The following LBR variants were observed in gnomAD, a reference collection of about 807,000 sequenced individuals.
LBR encodes the protein lamin B receptor, also known as delta(14)-sterol reductase LBR.
In LBR, 28 loss-of-function variants were observed where a neutral mutation model predicts 74.3. The ratio of observed to expected loss-of-function variants is 0.38; its 90% CI spans 0.28 to 0.52. The LOEUF (loss-of-function observed/expected upper bound fraction) is 0.52, where lower values mean the gene tolerates loss of function less well. Among genes scored for constraint, LBR ranks in the 20% least tolerant of loss-of-function variants. The probability of loss-of-function intolerance (pLI) is 0.89; values close to 1 mark genes in which losing one functional copy is unlikely to be tolerated. For missense variants in LBR, 717 were observed against 760.3 expected (o/e 0.94, Z 0.67); for synonymous variants, 228 against 269.3 (o/e 0.85, Z 1.50).
intron 7 of LBR, among the ~76,000 whole-genome samples, chr1:225,414,525 T>C (rs1411952475): frequency 6.6e-6 from 1 of 152,206 alleles, no homozygotes; most frequent in East Asian, 1.9e-4. Flanking sequence ...CAGCACATGC[T>C]CTTACAGTGC....
chr1:225,407,269 A>T (rs1328981130), intron 10 of LBR, among the ~76,000 whole-genome samples: 1 of 152,148 alleles, frequency 6.6e-6, no homozygotes, highest in Non-Finnish European at 1.5e-5. Flanking sequence ...AAAGCCTCTA[A>T]AAGACAGAGG....
chr1:225,410,731 G>A (rs865995491), intron 9 of LBR, among the ~76,000 whole-genome samples: 8 of 152,362 alleles, frequency 5.3e-5, no homozygotes, highest in African/African-American at 1.7e-4. Flanking sequence ...AAGGTCATGA[G>A]AGACAAGGAA....
At chr1:225,419,486 G>C in intron 4 of LBR, 34 bp from the exon 5 acceptor site, 1 of 1,441,746 alleles carries the variant, frequency 6.9e-7, no homozygotes, top group Non-Finnish European at 9.7e-7. Context: ...AATATCTGCA[G>C]TGAACAATTA....
In LBR at chr1:225,403,417, C is replaced by A. The variant is rs1358335705; in HGVS notation, c.1734G>T (p.Met578Ile). The part of the protein sequence containing the change: ...LPYFYIIYFT[M>I]LLVHREARDE... ...CACGAGCTTCTCGGTGGACAAGCAA[C>A]ATGGTGAAATAAATTATGTAGAAAT... The change falls in exon 14 of 14, where the codon ATG becomes ATT. Residue 578 changes from methionine (M) to isoleucine (I), a missense_variant. Transcript: ENST00000272163. 1.2e-6 allele frequency: 2 copies of A among 1,611,618 alleles called. No homozygotes were observed. The highest frequency in any genetic ancestry group is 2.2e-5 in the East Asian group (1 of 44,804).
chr1:225,423,993 A>T lies in LBR; in HGVS notation c.83T>A (p.Leu28Gln). ...GSSLYYEVEILSHDSTSQLYT... is the reference protein window; with the variant it reads ...GSSLYYEVEIQSHDSTSQLYT... ...AAGCTGGGAGGTGCTGTCGTGGCTCAGAATTTCTACTTCATAATAAAGTGA... is the reference window on the plus strand; with the variant it reads ...AAGCTGGGAGGTGCTGTCGTGGCTCTGAATTTCTACTTCATAATAAAGTGA... Residue 28 changes from leucine (L) to glutamine (Q), a missense_variant, in exon 2 of 14, where the codon CTG (leucine) becomes CAG (glutamine). Coordinates refer to ENST00000272163, the MANE Select transcript of LBR (RefSeq NM_002296.4). The T allele has an allele frequency of 6.2e-7, 1 of 1,614,100 alleles. No individual in the cohort carries two copies.
intron 6 of LBR, among the ~76,000 whole-genome samples, chr1:225,416,006 C>T (rs572477039): frequency 6.6e-6 from 1 of 151,994 alleles, no homozygotes; most frequent in Non-Finnish European, 1.5e-5. Flanking sequence ...AGTTGGAGAC[C>T]AGCCTGGGCA....
At chr1:225,406,923 G>T in intron 10 of LBR, 91 bp from the exon 11 acceptor site, 1 of 1,244,702 alleles carries the variant, frequency 8.0e-7, no homozygotes, top group Non-Finnish European at 1.2e-6. Context: ...TGTAAAAAGT[G>T]CTATGGGCGG....
Position 225,418,187 on chromosome 1 carries a change from A to T in LBR, c.641-7T>A. ...AACATGATGAGAAACACACCTGCAA[A>T]CAATTCATGAACATTCGAGGCTCAA... On this transcript the variant is annotated splice_region_variant and splice_polypyrimidine_tract_variant and intron_variant, in intron 5 of 13. Transcript: ENST00000272163. 6.2e-7 allele frequency: 1 copy of T among 1,612,316 alleles called. No individual in the cohort carries two copies. Among genetic ancestry groups the T allele is most frequent in the Non-Finnish European group, 8.5e-7 (1 of 1,178,762 alleles).
rs1322592670 is a variant in LBR, at chr1:225,419,300, G to C, written c.603C>G (p.Pro201=). Residue 201 remains proline, a synonymous_variant, in exon 5 of 14, where the codon CCC becomes CCG. Transcript: ENST00000272163. ...ELAVRTFEVT[P]IRAKDLEFGG... The stretch of plus-strand genomic sequence containing the variant: ...CAAACTCCAAGTCCTTTGCCCGGAT[G>C]GGGGTCACTTCAAAGGTTCTCACTG... 1.2e-6 allele frequency: 2 copies of C among 1,614,056 alleles called. No homozygotes were observed. Among genetic ancestry groups the C allele is most frequent in the Non-Finnish European group, 1.7e-6 (2 of 1,180,030 alleles).
upstream of LBR, chr1:225,428,648 T>C (rs996691466): frequency 6.6e-6 from 1 of 152,136 alleles, no homozygotes; most frequent in African/African-American, 2.4e-5. Context: ...CCCGGACCGA[T>C]GCTGGGACCG....
In LBR at chr1:225,423,824, AACTG is replaced by A. The variant is rs1191926287; in HGVS notation, c.165+83_165+86del. 15 of 1,313,308 alleles carry A rather than the reference AACTG, an allele frequency of 1.1e-5. No individual in the cohort carries two copies. The Admixed American group carries it at 1.2e-4, about 10-fold the overall frequency. 81.4% of individuals were successfully genotyped at this position (1,313,308 alleles called of 1,614,324 possible). On this transcript the variant is annotated intron_variant, in intron 2 of 13. Transcript: ENST00000272163. The stretch of plus-strand genomic sequence containing the variant: ...AATCCTCTGCCTTCAAACCGAGCTG[AACTG>A]ACTATCCTGAGCTTAGAAACCATAC...
intron 8 of LBR, 133 bp from the exon 9 acceptor site, chr1:225,411,573 G>T: frequency 1.4e-6 from 1 of 737,748 alleles, no homozygotes. Context: ...CTGGTGGTGA[G>T]AGGCAGACAG....
At chr1:225,422,533 A>C in intron 2 of LBR, 1 of 499,404 alleles carries the variant, frequency 2.0e-6, no homozygotes, top group East Asian at 3.7e-5. Context: ...ATGTATCTAA[A>C]CCAATTAGCT....
At chr1:225,427,537 G>C (rs1456731219) in intron 1 of LBR, 1 of 152,232 alleles carries the variant, frequency 6.6e-6, no homozygotes, top group Non-Finnish European at 1.5e-5. Context: ...AGGACCGCGG[G>C]GCCGCCTGCT....
chr1:225,404,852 A>C, intron 11 of LBR, 146 bp from the exon 12 acceptor site: 1 of 667,342 alleles, frequency 1.5e-6, no homozygotes, highest in Non-Finnish European at 2.6e-6. Flanking sequence ...CTCCTGCTTC[A>C]GCCTCCCAAA....
intron 3 of LBR, among the ~76,000 whole-genome samples, chr1:225,420,778 C>CAA (rs60369092): frequency 2.1e-4 from 24 of 115,080 alleles, no homozygotes; most frequent in Non-Finnish European, 3.5e-4. Flanking sequence ...CCACATTCTC[C>CAA]AAAAAAAAAA....
chr1:225,421,990 A>G, intron 3 of LBR, 87 bp downstream of exon 3: 2 of 1,292,318 alleles, frequency 1.5e-6, no homozygotes, highest in Non-Finnish European at 2.2e-6. Flanking sequence ...TTTCAGTGAC[A>G]TTTTAATATT....
Position 225,423,961 on chromosome 1 carries a change from C to T in LBR, c.115G>A (p.Val39Met). 2 of 1,613,324 alleles carry T rather than the reference C, an allele frequency of 1.2e-6. No individual in the cohort carries two copies. Among genetic ancestry groups the T allele is most frequent in the Non-Finnish European group, 1.7e-6 (2 of 1,179,234 alleles). The stretch of plus-strand genomic sequence containing the variant: ...AGCTCTGTTCCATCTTTATACTTCA[C>T]AGTGTAAAGCTGGGAGGTGCTGTCG... Reference protein sequence around the residue: ...SHDSTSQLYTVKYKDGTELEL... With the variant: ...SHDSTSQLYTMKYKDGTELEL... Residue 39 changes from valine to methionine, a missense_variant, in exon 2 of 14, where the codon GTG (valine) becomes ATG (methionine). Val to Met is a conservative substitution (Grantham distance 21). Transcript: ENST00000272163.
At position 225,422,181 on chromosome 1, in the gene LBR, C is replaced by CGGGGG; in HGVS notation, c.261_262insCCCCC (p.Gly88ProfsTer32). 2 of 1,613,322 alleles carry CGGGGG rather than the reference C, an allele frequency of 1.2e-6. No individual in the cohort carries two copies. The highest frequency in any genetic ancestry group is 1.7e-6 in the Non-Finnish European group (2 of 1,179,436). On this transcript the variant is annotated frameshift_variant, in exon 3 of 14. Coordinates refer to ENST00000272163, the MANE Select transcript of LBR (RefSeq NM_002296.4). LOFTEE classifies it high-confidence loss of function. ...CGGCGGGCACTTTTAGGTGGTCGAC[C>CGGGGG]AGGGGATCGGGAGCGTGACCTTGAT...
Sources: allele counts gnomAD v4.1 joint callset (sites outside exome capture counted in the v4.1 genomes callset), GRCh38; gene constraint gnomAD v4.1.1; transcripts MANE v1.5; gene names NCBI Gene and HGNC (gene_info 2026-07-23, HGNC 2026-07-21).